Variants in NSD1 observed in about 807,000 individuals in gnomAD.
The protein encoded by NSD1 is nuclear receptor binding SET domain protein 1.
NSD1 carries 26 observed loss-of-function variants against 242.7 expected under a neutral mutation model. The observed-to-expected ratio is 0.11, with a 90% CI of 0.08 to 0.15. The LOEUF (loss-of-function observed/expected upper bound fraction) is 0.15, where lower values mean the gene tolerates loss of function less well. Ranked by LOEUF, NSD1 falls within the 10% of genes least tolerant of loss-of-function variation. The pLI is 1.00. For missense variants in NSD1, 2,495 were observed against 3,272.8 expected (o/e 0.76, Z 5.80); for synonymous variants, 1,106 against 1,178.1 (o/e 0.94, Z 1.25).
chr5:177,259,947 T>A, intron 13 of NSD1, 42 bp from the exon 14 acceptor site: 2 of 1,606,714 alleles, frequency 1.2e-6, no homozygotes, highest in Non-Finnish European at 8.5e-7. Flanking sequence ...ATATTTAATA[T>A]TTTTGTTTTT....
chr5:177,228,049 A>G (rs1161121607), intron 5 of NSD1, among the ~76,000 whole-genome samples: 2 of 151,832 alleles, frequency 1.3e-5, no homozygotes, highest in Admixed American at 1.3e-4. Flanking sequence ...CAGCTCTGTT[A>G]TATGGTTTTA....
chr5:177,252,122 G>A (rs558538370), intron 12 of NSD1, among the ~76,000 whole-genome samples: 1 of 152,312 alleles, frequency 6.6e-6, no homozygotes, highest in South Asian at 2.1e-4. Flanking sequence ...GAAGATATCT[G>A]TGTTTAGCTT....
At chr5:177,172,924 T>C (rs1175188717) in intron 2 of NSD1, among the ~76,000 whole-genome samples, 2 of 144,610 alleles carry the variant, frequency 1.4e-5, no homozygotes, top group South Asian at 2.2e-4. Flanking sequence ...ATCCTGCCAC[T>C]GTACTCTAGC....
At position 177,238,985 on chromosome 5, in the gene NSD1, A is replaced by G. The variant is rs1183680996; in HGVS notation, c.4192+478A>G. 6.6e-6 allele frequency among the ~76,000 whole-genome samples: 1 copy of G among 152,220 alleles called. No individual in the cohort carries two copies. Among genetic ancestry groups the G allele is most frequent in the African/African-American group, 2.4e-5 (1 of 41,460 alleles). ...GTAATTACCAGTTCATTAGAAGTTA[A>G]TTACCAGTTACTTCTCACTTGATCA... On this transcript the variant is annotated intron_variant, in intron 7 of 22. Coordinates refer to ENST00000439151, the MANE Select transcript of NSD1 (RefSeq NM_022455.5). This position sits in a 1 kb window ranked among gnomAD's most constrained non-coding sequence, Gnocchi z 4.6.
At chr5:177,250,584 T>G (rs1391376264) in intron 11 of NSD1, among the ~76,000 whole-genome samples, 1 of 151,868 alleles carries the variant, frequency 6.6e-6, no homozygotes, top group Admixed American at 6.6e-5. Flanking sequence ...TTTTACCATA[T>G]ATAGAAACGT....
Position 177,280,761 on chromosome 5 carries a change from A to G in NSD1, c.5819A>G (p.Gln1940Arg). The change falls in exon 18 of 23, where the codon CAA becomes CGA. Residue 1940 changes from glutamine (Q) to arginine (R), a missense_variant. Around this residue, in one of 19 missense-constraint regions of NSD1, gnomAD observed 114 missense variants for 247.4 expected, o/e 0.46. Transcript: ENST00000439151. ...RCQNQCFSKR[Q>R]YPEVEIFRTL... ...CAAAACCAGTGCTTTTCCAAGCGCC[A>G]ATATCCAGAGGTTGAAATTTTCCGC... is the stretch of plus-strand genomic sequence containing the variant. The G allele has an allele frequency of 1.2e-6, 2 of 1,614,248 alleles. No homozygotes were observed. Among genetic ancestry groups the G allele is most frequent in the Non-Finnish European group, 1.7e-6 (2 of 1,180,044 alleles).
chr5:177,147,308 TG>T (rs1324513639), intron 2 of NSD1, among the ~76,000 whole-genome samples: 1 of 152,174 alleles, frequency 6.6e-6, no homozygotes, highest in African/African-American at 2.4e-5. Flanking sequence ...GGTTTTACCA[TG>T]TTGCTCAAGC....
At chr5:177,246,368 C>A (rs1440643618) in intron 9 of NSD1, among the ~76,000 whole-genome samples, 2 of 152,186 alleles carry the variant, frequency 1.3e-5, no homozygotes, top group African/African-American at 4.8e-5. Context: ...ATTTCCCCTT[C>A]ATCTATAGGA....
intron 2 of NSD1, among the ~76,000 whole-genome samples, chr5:177,152,476 CTTTTTTTTT>C (rs35553344): frequency 2.7e-5 from 3 of 110,510 alleles, no homozygotes; most frequent in South Asian, 5.9e-4. Context: ...TCAAGCGATT[CTTTTTTTTT>C]TTTTTTTTTT....
At chr5:177,214,203 G>A (rs938221026) in intron 5 of NSD1, among the ~76,000 whole-genome samples, 2 of 151,994 alleles carry the variant, frequency 1.3e-5, no homozygotes, top group East Asian at 1.9e-4. Context: ...ATGGTGGCGC[G>A]CTCCTGTAAT....
intron 2 of NSD1, among the ~76,000 whole-genome samples, chr5:177,172,009 TCTTAGAG>T (rs1759753169): frequency 6.6e-6 from 1 of 152,252 alleles, no homozygotes; most frequent in African/African-American, 2.4e-5. Context: ...CATACTTAAC[TCTTAGAG>T]GAAGTCCGCC....
At chr5:177,260,264 A>G (rs1756880623) in intron 14 of NSD1, 96 bp downstream of exon 14, 2 of 1,172,040 alleles carry the variant, frequency 1.7e-6, no homozygotes, top group Non-Finnish European at 2.5e-6. Flanking sequence ...TTGCCACTGG[A>G]AAAAATATTA....
In NSD1 at chr5:177,267,858, T is replaced by C. The variant is rs1757623670; in HGVS notation, c.5303+140T>C. The C allele has an allele frequency of 3.6e-5, 30 of 837,006 alleles. No homozygotes were observed. The South Asian group carries it at 4.0e-4, about 11-fold the overall frequency. 51.8% of individuals were successfully genotyped at this position (837,006 alleles called of 1,614,324 possible). On this transcript the variant is annotated intron_variant, in intron 15 of 22. Transcript: ENST00000439151. ...CCCTCTTCTTCTTGATTTTTTTCCT[T>C]ATAGGAAGAGAAACCTAACTTTATG... is the stretch of plus-strand genomic sequence containing the variant.
In NSD1 at chr5:177,294,561, C is replaced by G. The variant is rs1186168166; in HGVS notation, c.7193C>G (p.Pro2398Arg). 3.7e-6 allele frequency: 6 copies of G among 1,614,106 alleles called. No homozygotes were observed. The highest frequency in any genetic ancestry group is 5.1e-6 in the Non-Finnish European group (6 of 1,180,052). Residue 2398 changes from proline (P) to arginine (R), a missense_variant, in exon 23 of 23, where the codon CCC becomes CGC. Coordinates refer to ENST00000439151, the MANE Select transcript of NSD1 (RefSeq NM_022455.5). ...PPDRLLITSS[P>R]KPQTSDRPTD... is the part of the protein sequence containing the mutation. ...GACAGACTGCTCATTACTAGCAGTC[C>G]CAAACCCCAGACTTCAGACAGGCCT...
At chr5:177,277,759 C>T (rs1486703258) in intron 17 of NSD1, among the ~76,000 whole-genome samples, 1 of 152,126 alleles carries the variant, frequency 6.6e-6, no homozygotes, top group African/African-American at 2.4e-5. Flanking sequence ...CTACCTGAAT[C>T]ACCTGAGCCT....
Position 177,269,492 on chromosome 5 carries a change from T to G in NSD1, c.5304-110T>G. 1 of 951,162 alleles carries G rather than the reference T, an allele frequency of 1.1e-6. No individual in the cohort carries two copies. Among genetic ancestry groups the G allele is most frequent in the Non-Finnish European group, 1.7e-6 (1 of 604,452 alleles). The allele number at this position is 951,162 out of a possible 1,614,324, so 58.9% of individuals were successfully genotyped here. A position where few individuals can be genotyped will look rare whatever the true frequency, so the allele number is the denominator to read the frequency against. On this transcript the variant is annotated intron_variant, in intron 15 of 22. Coordinates refer to ENST00000439151, the MANE Select transcript of NSD1 (RefSeq NM_022455.5). This position sits in a 1 kb window ranked among gnomAD's most constrained non-coding sequence, Gnocchi z 5.1. Reference sequence around the variant, plus strand: ...TTGTAAGAATGCCGTAAGATGGACTTTAATGTGGACAGACAGACATTGCTA... The same window carrying G: ...TTGTAAGAATGCCGTAAGATGGACTGTAATGTGGACAGACAGACATTGCTA...
intron 2 of NSD1, among the ~76,000 whole-genome samples, chr5:177,182,289 C>T (rs1164996407): frequency 6.6e-6 from 1 of 152,140 alleles, no homozygotes; most frequent in African/African-American, 2.4e-5. Flanking sequence ...TGCATTCCAG[C>T]TTGGGCAACA....
chr5:177,209,528 CAAAA>C (rs560987364), intron 4 of NSD1, 104 bp from the exon 5 acceptor site: 483 of 578,112 alleles, frequency 8.4e-4, no homozygotes, highest in Non-Finnish European at 9.3e-4. Context: ...GACTCTGTCT[CAAAA>C]AAAAAAAAAA....
chr5:177,168,561 G>C (rs1265444398), intron 2 of NSD1, among the ~76,000 whole-genome samples: 1 of 151,370 alleles, frequency 6.6e-6, no homozygotes, highest in Non-Finnish European at 1.5e-5. Flanking sequence ...CCGGGTTCAA[G>C]TGATTTCTCC....
Sources: gnomAD v4.1 joint callset for allele counts (sites outside exome capture counted in the v4.1 genomes callset) on GRCh38, gnomAD v4.1.1 for gene constraint, gnomAD v4.1.1 regional missense constraint, Gnocchi (gnomAD v3.1) non-coding constraint, MANE v1.5 for transcripts, NCBI Gene and HGNC (gene_info 2026-07-23, HGNC 2026-07-21) for gene names.